Variants in NTRK3 observed in about 807,000 individuals in gnomAD.
The protein encoded by NTRK3 is neurotrophic receptor tyrosine kinase 3, also known as NT-3 growth factor receptor.
In NTRK3, 24 loss-of-function variants were observed where a neutral mutation model predicts 91.7. That is an observed-to-expected ratio of 0.26 (90% CI 0.19 to 0.37). The LOEUF (loss-of-function observed/expected upper bound fraction) is 0.37, where lower values mean the gene tolerates loss of function less well. Among genes scored for constraint, NTRK3 ranks in the 10% least tolerant of loss-of-function variants. The pLI is 1.00. For missense variants in NTRK3, 880 were observed against 1,068.9 expected (o/e 0.82, Z 2.46); for synonymous variants, 483 against 404.0 (o/e 1.20, Z -2.34).
chr15:88,239,805 G>A (rs936657718), intron 3 of NTRK3, among the ~76,000 whole-genome samples: 12 of 152,206 alleles, frequency 7.9e-5, no homozygotes, highest in Middle Eastern at 3.4e-3. Context: ...ATACCACCCC[G>A]CCTCTGATCT....
At chr15:88,114,138 T>G (rs1047315482) in intron 13 of NTRK3, among the ~76,000 whole-genome samples, 7 of 152,072 alleles carry the variant, frequency 4.6e-5, no homozygotes, top group African/African-American at 1.7e-4. Flanking sequence ...AGCCGTGGCT[T>G]TCACCACAAA....
chr15:88,251,687 T>C (rs548940115), intron 3 of NTRK3, among the ~76,000 whole-genome samples: 34 of 152,360 alleles, frequency 2.2e-4, no homozygotes, highest in African/African-American at 7.9e-4. Context: ...CTGGTCCTTC[T>C]ACAGAGTTGG....
chr15:88,142,493 T>A (rs2042481487), intron 6 of NTRK3, among the ~76,000 whole-genome samples: 1 of 152,114 alleles, frequency 6.6e-6, no homozygotes, highest in South Asian at 2.1e-4. Flanking sequence ...AAACACTGAT[T>A]CCCTCCGGTC....
intron 8 of NTRK3, 70 bp downstream of exon 8, chr15:88,136,396 TC>T: frequency 6.2e-7 from 1 of 1,602,326 alleles, no homozygotes; most frequent in Non-Finnish European, 8.5e-7. Context: ...CCGCAAATTT[TC>T]CCTCTTCTTC....
intron 5 of NTRK3, among the ~76,000 whole-genome samples, chr15:88,151,745 G>A (rs976094328): frequency 1.7e-4 from 26 of 152,214 alleles, no homozygotes; most frequent in Non-Finnish European, 1.5e-5. Flanking sequence ...TGGATTAAGA[G>A]TTGGGCTGAC....
chr15:87,874,833 C>T, exon 19 of NTRK3: 1 of 231,574 alleles, frequency 4.3e-6, no homozygotes, highest in Admixed American at 5.6e-5. Context: ...TGTCATAGGA[C>T]AGCAAAGGAG....
intron 5 of NTRK3, among the ~76,000 whole-genome samples, chr15:88,174,473 C>T (rs1212626858): frequency 1.3e-5 from 2 of 152,190 alleles, no homozygotes; most frequent in South Asian, 2.1e-4. Context: ...CACACCACTG[C>T]ATATAGTCCT....
At chr15:87,971,913 G>A (rs2073287155) in intron 14 of NTRK3, among the ~76,000 whole-genome samples, 2 of 152,208 alleles carry the variant, frequency 1.3e-5, no homozygotes, top group Non-Finnish European at 2.9e-5. Flanking sequence ...GCCTTGCAGA[G>A]CAAAGAATAC....
Position 88,184,311 on chromosome 15 carries a change from G to T in NTRK3, c.249-12C>A. On this transcript the variant is annotated splice_polypyrimidine_tract_variant and intron_variant, in intron 3 of 18. Transcript: ENST00000394480. ...AGTTCTCTATGTGTCTGCAGGGGAG[G>T]AGGAAAGGTAACGGTCAGCCAGAAG... 6.2e-7 allele frequency: 1 copy of T among 1,613,812 alleles called. No individual in the cohort carries two copies. The highest frequency in any genetic ancestry group is 8.5e-7 in the Non-Finnish European group (1 of 1,179,784).
Position 88,233,868 on chromosome 15 carries a change from A to G in NTRK3, c.248+22038T>C, listed in dbSNP as rs1473341013. ...GAACAAAGCCAGAAACATGGCTCTCAGGGCTGTGAAAACAAATCATTAAAT... is the reference window on the plus strand; with the variant it reads ...GAACAAAGCCAGAAACATGGCTCTCGGGGCTGTGAAAACAAATCATTAAAT... On this transcript the variant is annotated intron_variant, in intron 3 of 18. Coordinates refer to ENST00000394480, the Ensembl canonical transcript of NTRK3. The surrounding 1 kb of genome is among the most constrained non-coding windows in gnomAD (Gnocchi z 4.2). Among the ~76,000 whole-genome samples, 3 of 152,176 alleles carry G rather than the reference A, an allele frequency of 2.0e-5. No individual in the cohort carries two copies. The highest frequency in any genetic ancestry group is 4.4e-5 in the Non-Finnish European group (3 of 68,042).
chr15:88,218,017 G>T (rs894357532), intron 3 of NTRK3, among the ~76,000 whole-genome samples: 37 of 152,102 alleles, frequency 2.4e-4, no homozygotes, highest in African/African-American at 7.7e-4. Flanking sequence ...GCCTCTGGGG[G>T]TCGCTGTCTT....
At chr15:88,075,242 G>A (rs988206069) in intron 13 of NTRK3, among the ~76,000 whole-genome samples, 4 of 152,116 alleles carry the variant, frequency 2.6e-5, no homozygotes, top group South Asian at 2.1e-4. Context: ...AAGCCCACCC[G>A]AGGGCCTGAG....
intron 13 of NTRK3, among the ~76,000 whole-genome samples, chr15:88,061,424 C>T (rs2046204073): frequency 6.6e-6 from 1 of 152,230 alleles, no homozygotes; most frequent in Admixed American, 6.5e-5. Flanking sequence ...TTGTGCTGCC[C>T]TCCACAAGGT....
intron 5 of NTRK3, among the ~76,000 whole-genome samples, chr15:88,178,267 G>A (rs551052640): frequency 1.3e-5 from 2 of 152,272 alleles, no homozygotes; most frequent in African/African-American, 4.8e-5. Flanking sequence ...TTATTCCAAG[G>A]AGAAAGAACA....
At chr15:88,063,998 A>G (rs1228520638) in intron 13 of NTRK3, among the ~76,000 whole-genome samples, 1 of 152,206 alleles carries the variant, frequency 6.6e-6, no homozygotes, top group African/African-American at 2.4e-5. Flanking sequence ...TATAATTAAA[A>G]TAAGGATTGG....
chr15:87,889,472 T>C (rs1034258449), intron 17 of NTRK3, among the ~76,000 whole-genome samples: 1 of 144,118 alleles, frequency 6.9e-6, no homozygotes, highest in African/African-American at 2.6e-5. Flanking sequence ...TGGCAGGATC[T>C]CAGCTCACTG....
At chr15:88,002,755 C>T (rs371357047) in intron 14 of NTRK3, among the ~76,000 whole-genome samples, 78 of 150,350 alleles carry the variant, frequency 5.2e-4, no homozygotes, top group African/African-American at 1.7e-3. Flanking sequence ...TCAAAATATC[C>T]ATCCTTTAAA....
At chr15:88,207,057 GCTTAGCGT>G (rs2141365736) in intron 3 of NTRK3, among the ~76,000 whole-genome samples, 2 of 152,308 alleles carry the variant, frequency 1.3e-5, no homozygotes, top group Admixed American at 1.3e-4. Flanking sequence ...GGAGTCACTG[GCTTAGCGT>G]CTAGCTCCGC....
At chr15:87,911,919 T>C (rs1229413032) in intron 17 of NTRK3, among the ~76,000 whole-genome samples, 1 of 152,240 alleles carries the variant, frequency 6.6e-6, no homozygotes, top group Non-Finnish European at 1.5e-5. Context: ...AATGATTATG[T>C]GTCAATCAAA....
Sources: gnomAD v4.1 joint callset for allele counts (sites outside exome capture counted in the v4.1 genomes callset) on GRCh38, gnomAD v4.1.1 for gene constraint, Gnocchi (gnomAD v3.1) non-coding constraint, MANE v1.5 for transcripts, NCBI Gene and HGNC (gene_info 2026-07-23, HGNC 2026-07-21) for gene names.